MLXIP: variants seen among roughly 807,000 people sequenced by gnomAD.
The protein encoded by MLXIP is MLX-interacting protein.
A neutral mutation model predicts 87.2 loss-of-function variants in MLXIP; 30 were observed. The ratio of observed to expected loss-of-function variants is 0.34; its 90% CI spans 0.26 to 0.47. The LOEUF is 0.47. Ranked by LOEUF, MLXIP falls within the 20% of genes least tolerant of loss-of-function variation. The pLI is 1.00. For missense variants in MLXIP, 1,002 were observed against 1,240.1 expected (o/e 0.81, Z 2.88); for synonymous variants, 530 against 514.0 (o/e 1.03, Z -0.42).
At chr12:122,132,425 G>A (rs1033924004) in intron 8 of MLXIP, 42 bp downstream of exon 8, 4 of 1,469,166 alleles carry the variant, frequency 2.7e-6, no homozygotes, top group Non-Finnish European at 3.8e-6. Flanking sequence ...GGGCTGGCAG[G>A]CACAGGGCTG....
rs752414618 is a variant in MLXIP, at chr12:122,140,882, G to A, written c.2509-72G>A. The A allele has an allele frequency of 5.0e-6, 8 of 1,612,728 alleles. No homozygotes were observed. In the Admixed American group the frequency reaches 1.2e-4, roughly 24 times the overall value. The stretch of plus-strand genomic sequence containing the variant: ...AGCCCCAGGGGAAAGGAGTACGCCA[G>A]TCCAACCACCTTCGGGTCTGCAGTC... On this transcript the variant is annotated intron_variant, in intron 15 of 16. Coordinates refer to ENST00000319080, the MANE Select transcript of MLXIP (RefSeq NM_014938.6).
intron 1 of MLXIP, among the ~76,000 whole-genome samples, chr12:122,121,010 G>GTTTTTTTTTTTTTTTTTTGTTTTT (rs1952773281): frequency 8.9e-6 from 1 of 111,910 alleles, no homozygotes; most frequent in East Asian, 3.2e-4. Context: ...TGCATGCTTG[G>GTTTTTTTTTTTTTTTTTTGTTTTT]TTTTTTTTTT....
Position 122,135,250 on chromosome 12 carries a change from G to A in MLXIP, c.1759G>A (p.Val587Met). 1.2e-6 allele frequency: 2 copies of A among 1,613,572 alleles called. No homozygotes were observed. The highest frequency in any genetic ancestry group is 1.7e-6 in the Non-Finnish European group (2 of 1,179,852). ...TGCCTTTTCAGGCCAACCACAAGCG[G>A]TGATCATGACGTCAGGGCCTCTGAA... ...PAAFSGQPQAVIMTSGPLKRE... is the reference protein window; with the variant it reads ...PAAFSGQPQAMIMTSGPLKRE... Residue 587 changes from valine to methionine, a missense_variant, in exon 10 of 17, where the codon GTG (valine) becomes ATG (methionine). Transcript: ENST00000319080. The surrounding 1 kb of genome is among the most constrained non-coding windows in gnomAD (Gnocchi z 5.3).
At chr12:122,103,711 A>G (rs1189636058) in intron 1 of MLXIP, among the ~76,000 whole-genome samples, 1 of 135,024 alleles carries the variant, frequency 7.4e-6, no homozygotes, top group African/African-American at 2.8e-5. Flanking sequence ...TTTTTTTTTT[A>G]GTAGAGACAG....
At chr12:122,110,351 G>A (rs571278973) in intron 1 of MLXIP, among the ~76,000 whole-genome samples, 5 of 151,844 alleles carry the variant, frequency 3.3e-5, no homozygotes, top group East Asian at 1.9e-4. Flanking sequence ...GCAATGGCGC[G>A]GTCTTGGGTC....
At chr12:122,132,112 T>C (rs537578324) in intron 7 of MLXIP, among the ~76,000 whole-genome samples, 180 bp from the exon 8 acceptor site, 1 of 151,762 alleles carries the variant, frequency 6.6e-6, no homozygotes, top group African/African-American at 2.4e-5. Context: ...TTAGTAGAGA[T>C]GGAGTTTCAC....
chr12:122,106,691 T>C (rs982084663), intron 1 of MLXIP, among the ~76,000 whole-genome samples: 1 of 132,618 alleles, frequency 7.5e-6, no homozygotes, highest in Non-Finnish European at 1.5e-5. Flanking sequence ...AACCTCCGCC[T>C]CCCGGGTTCA....
rs751112253 is a variant in MLXIP at position 122,130,066 on chromosome 12, A to G, written c.864A>G (p.Thr288=). ...AATTCAGCGACACCCTCTTCTCCAC[A>G]CTTTCTTCACACCAGCCGGTGGCCT... ...MSEFSDTLFS[T]LSSHQPVAWP... is the part of the protein sequence containing the mutation. The change falls in exon 6 of 17, where the codon ACA becomes ACG. Residue 288 remains threonine (T), a synonymous_variant. Coordinates refer to ENST00000319080, the MANE Select transcript of MLXIP (RefSeq NM_014938.6). The G allele has an allele frequency of 1.2e-5, 19 of 1,613,738 alleles. No homozygotes were observed. Among genetic ancestry groups the G allele is most frequent in the Admixed American group, 1.7e-5 (1 of 59,984 alleles).
At chr12:122,114,734 C>A (rs941138659) in intron 1 of MLXIP, among the ~76,000 whole-genome samples, 60 of 122,612 alleles carry the variant, frequency 4.9e-4, no homozygotes, top group Non-Finnish European at 8.8e-4. Context: ...GGGAAGGTGA[C>A]TTCTTTTTTT....
At chr12:122,129,322 C>G in intron 4 of MLXIP, 96 bp downstream of exon 4, 2 of 1,151,468 alleles carry the variant, frequency 1.7e-6, no homozygotes, top group East Asian at 2.6e-5. Flanking sequence ...TCCACAGCCG[C>G]CCCACCTGAA....
intron 1 of MLXIP, among the ~76,000 whole-genome samples, chr12:122,086,295 C>G (rs944190008): frequency 1.4e-5 from 2 of 145,178 alleles, no homozygotes; most frequent in African/African-American, 5.2e-5. Flanking sequence ...ACAGGAAACT[C>G]ATCTTCACTC....
At chr12:122,140,166 G>A (rs571277993) in intron 15 of MLXIP, among the ~76,000 whole-genome samples, 5 of 152,326 alleles carry the variant, frequency 3.3e-5, no homozygotes, top group East Asian at 3.9e-4. Flanking sequence ...TGTGAGTGCC[G>A]TCCTGATCAA....
chr12:122,141,556 C>T (rs1261730789), intron 16 of MLXIP, 135 bp from the exon 17 acceptor site: 3 of 1,385,208 alleles, frequency 2.2e-6, no homozygotes, highest in Non-Finnish European at 2.9e-6. Context: ...CCCTGGCACT[C>T]CTCCCTGCAG....
At chr12:122,122,637 G>A (rs929354112) in intron 1 of MLXIP, among the ~76,000 whole-genome samples, 6 of 152,030 alleles carry the variant, frequency 3.9e-5, no homozygotes, top group African/African-American at 1.4e-4. Flanking sequence ...CGCCTCCCAG[G>A]TTCACGCCAT....
Position 122,141,037 on chromosome 12 carries a change from G to A in MLXIP, c.2592G>A (p.Ala864=), listed in dbSNP as rs561027162. 1.1e-5 allele frequency: 18 copies of A among 1,613,508 alleles called. No individual in the cohort carries two copies. The highest frequency in any genetic ancestry group is 1.1e-4 in the East Asian group (5 of 44,882). ...GCCTGGAGGAGCTGCACCGGACGGCGCTCTCCTGGCTGGACCAGCACTGCT... is the reference window on the plus strand; with the variant it reads ...GCCTGGAGGAGCTGCACCGGACGGCACTCTCCTGGCTGGACCAGCACTGCT... ...TSSLEELHRT[A]LSWLDQHCSL... The change falls in exon 16 of 17, where the codon GCG becomes GCA. Residue 864 remains alanine (A), a synonymous_variant. Coordinates refer to ENST00000319080, the MANE Select transcript of MLXIP (RefSeq NM_014938.6).
intron 9 of MLXIP, 32 bp downstream of exon 9, chr12:122,134,019 TC>T: frequency 7.7e-6 from 12 of 1,548,394 alleles, no homozygotes; most frequent in East Asian, 2.3e-5. Context: ...AGTGCGGGGC[TC>T]CCCCCGACCC....
chr12:122,142,264 C>T lies in MLXIP; in HGVS notation c.*452C>T, dbSNP rs762053679. 5.7e-6 allele frequency: 4 copies of T among 696,262 alleles called. No individual in the cohort carries two copies. In the East Asian group the frequency reaches 8.1e-5, roughly 14 times the overall value. 43.1% of individuals were successfully genotyped at this position (696,262 alleles called of 1,614,324 possible). ...CCTCTGCCTGATGCCCTGCTCCACT[C>T]TCTGGTCTGCCCGTGGGGCAGTTGG... On this transcript the variant is annotated 3_prime_UTR_variant, in exon 17 of 17. Transcript: ENST00000319080.
At chr12:122,130,446 C>T (rs571174823) in intron 6 of MLXIP, among the ~76,000 whole-genome samples, 2 of 151,548 alleles carry the variant, frequency 1.3e-5, no homozygotes, top group African/African-American at 4.8e-5. Context: ...CCGAGGCGGC[C>T]GGGCCGTGAC....
chr12:122,133,112 A>T lies in MLXIP; in HGVS notation c.1093-236A>T, dbSNP rs1593111358. ...TCCCAGGCTGCTAGCCAGCTGTGTGAGGGCCGTTGCCTTATCTGAGCTCTG... is the reference window on the plus strand; with the variant it reads ...TCCCAGGCTGCTAGCCAGCTGTGTGTGGGCCGTTGCCTTATCTGAGCTCTG... On this transcript the variant is annotated intron_variant, in intron 8 of 16. Transcript: ENST00000319080. This position sits in a 1 kb window ranked among gnomAD's most constrained non-coding sequence, Gnocchi z 4.9. 1 of 450,140 alleles carries T rather than the reference A, an allele frequency of 2.2e-6. No homozygotes were observed. The highest frequency in any genetic ancestry group is 3.4e-5 in the East Asian group (1 of 29,586). The allele number at this position is 450,140 out of a possible 1,614,324, so 27.9% of individuals were successfully genotyped here.
Sources: gnomAD v4.1 joint callset for allele counts (sites outside exome capture counted in the v4.1 genomes callset) on GRCh38, gnomAD v4.1.1 for gene constraint, Gnocchi (gnomAD v3.1) non-coding constraint, MANE v1.5 for transcripts, NCBI Gene and HGNC (gene_info 2026-07-23, HGNC 2026-07-21) for gene names.